NRL: variants seen among roughly 807,000 people sequenced by gnomAD.
NRL encodes neural retina leucine zipper.
In NRL, 16 loss-of-function variants were observed where a neutral mutation model predicts 12.5. The ratio of observed to expected loss-of-function variants is 1.28; its 90% CI spans 0.87 to 1.95. The LOEUF (loss-of-function observed/expected upper bound fraction) is 1.95, where lower values mean the gene tolerates loss of function less well. Among genes scored for constraint, NRL ranks in the 30% most tolerant of loss-of-function variants. The pLI is 0.00. For missense variants in NRL, 314 were observed against 325.8 expected (o/e 0.96, Z 0.28); for synonymous variants, 142 against 150.9 (o/e 0.94, Z 0.43).
In NRL at chr14:24,095,113, CTATT is replaced by C. The variant is rs1235143028; in HGVS notation, c.-27-12242_-27-12239del. 8.8e-6 allele frequency: 4 copies of C among 456,004 alleles called. No homozygotes were observed. The Admixed American group carries it at 9.4e-5, about 11-fold the overall frequency. The allele number at this position is 456,004 out of a possible 1,614,324, so 28.2% of individuals were successfully genotyped here. On this transcript the variant is annotated intron_variant, in intron 1 of 2. Coordinates refer to ENST00000561028, the MANE Select transcript of NRL (RefSeq NM_001354768.3). ...TTTGTCTGCCTGTCCTCTTAGTCTCCTATTTATTCTCTGAGGCCTCTCTTCTCAG... is the reference window on the plus strand; with the variant it reads ...TTTGTCTGCCTGTCCTCTTAGTCTCCTATTCTCTGAGGCCTCTCTTCTCAG...
At position 24,094,975 on chromosome 14, in the gene NRL, T is replaced by C; in HGVS notation, c.-27-12100A>G. Reference sequence around the variant, plus strand: ...GAAGTCCAGAGCAGCCCGAGGGACCTGGGCCCAGGGGAGGGAGGCAAGCAA... The same window carrying C: ...GAAGTCCAGAGCAGCCCGAGGGACCCGGGCCCAGGGGAGGGAGGCAAGCAA... On this transcript the variant is annotated intron_variant, in intron 1 of 2. Coordinates refer to ENST00000561028, the MANE Select transcript of NRL (RefSeq NM_001354768.3). This position sits in a 1 kb window ranked among gnomAD's most constrained non-coding sequence, Gnocchi z 4.1. The C allele has an allele frequency of 1.4e-6, 1 of 718,476 alleles. No individual in the cohort carries two copies. The highest frequency in any genetic ancestry group is 1.5e-5 in the South Asian group (1 of 64,918). The allele number at this position is 718,476 out of a possible 1,614,324, so 44.5% of individuals were successfully genotyped here.
At chr14:24,099,884 T>C (rs758581588) in intron 1 of NRL, 2 of 1,595,344 alleles carry the variant, frequency 1.3e-6, no homozygotes, top group Non-Finnish European at 1.7e-6. Flanking sequence ...CCTTTCCTCA[T>C]CAGATCTTGG....
At chr14:24,089,892 C>A (rs2036568365) in intron 1 of NRL, among the ~76,000 whole-genome samples, 1 of 152,114 alleles carries the variant, frequency 6.6e-6, no homozygotes, top group African/African-American at 2.4e-5. Context: ...AAGATGTAGA[C>A]ATGTTCACAA....
chr14:24,114,863 T>C lies in NRL; in HGVS notation c.-169A>G, dbSNP rs573881980. 29 of 985,938 alleles carry C rather than the reference T, an allele frequency of 2.9e-5. No individual in the cohort carries two copies. In the African/African-American group the frequency reaches 4.7e-4, roughly 16 times the overall value. The allele number at this position is 985,938 out of a possible 1,614,324, so 61.1% of individuals were successfully genotyped here. ...ACGGAGGAGCGGTTGGCCAACGCAG[T>C]GGCGGCAGTCGGTGTAAACAAGGCC... On this transcript the variant is annotated 5_prime_UTR_variant, in exon 1 of 3. Coordinates refer to ENST00000561028, the MANE Select transcript of NRL (RefSeq NM_001354768.3).
At position 24,094,627 on chromosome 14, in the gene NRL, C is replaced by G; in HGVS notation, c.-27-11752G>C. The stretch of plus-strand genomic sequence containing the variant: ...GGGAGGGCAGCCGGCCGGTGCTCCT[C>G]GTTTCCGCCTGCACCTCCCCTTCTC... On this transcript the variant is annotated intron_variant, in intron 1 of 2. Transcript: ENST00000561028. The surrounding 1 kb of genome is among the most constrained non-coding windows in gnomAD (Gnocchi z 4.1). 1.4e-6 allele frequency: 2 copies of G among 1,473,842 alleles called. No homozygotes were observed. The highest frequency in any genetic ancestry group is 1.8e-6 in the Non-Finnish European group (2 of 1,113,368). 91.3% of individuals were successfully genotyped at this position (1,473,842 alleles called of 1,614,324 possible).
In NRL at chr14:24,080,005, C is replaced by T. The variant is rs2036232227; in HGVS notation, c.*1231G>A. ...TTGGCTCTCCATAACAGATGTGCCACCCAGCTCCAGGTGGGGACTTCCCTT... is the reference window on the plus strand; with the variant it reads ...TTGGCTCTCCATAACAGATGTGCCATCCAGCTCCAGGTGGGGACTTCCCTT... On this transcript the variant is annotated 3_prime_UTR_variant, in exon 3 of 3. Transcript: ENST00000561028. 1 of 152,290 alleles carries T rather than the reference C, an allele frequency of 6.6e-6. No homozygotes were observed. The highest frequency in any genetic ancestry group is 1.5e-5 in the Non-Finnish European group (1 of 68,094). The allele number at this position is 152,290 out of a possible 1,614,324, so 9.4% of individuals were successfully genotyped here.
chr14:24,081,605 G>A lies in NRL; in HGVS notation c.382-37C>T, dbSNP rs777531331. 106 of 1,557,386 alleles carry A rather than the reference G, an allele frequency of 6.8e-5. No individual in the cohort carries two copies. Among genetic ancestry groups the A allele is most frequent in the Non-Finnish European group, 8.4e-5 (97 of 1,152,038 alleles). ...GAATGCAGAAACCGGGTCAGCGCCA[G>A]GTCGCACCCGGCTCTGCCCTGAGGG... On this transcript the variant is annotated intron_variant, in intron 2 of 2. Transcript: ENST00000561028. The surrounding 1 kb of genome is among the most constrained non-coding windows in gnomAD (Gnocchi z 4.4).
chr14:24,103,763 G>A, intron 1 of NRL: 1 of 1,614,210 alleles, frequency 6.2e-7, no homozygotes. Context: ...CACCCATTGG[G>A]CTGGTGCCAA....
chr14:24,094,641 C>T lies in NRL; in HGVS notation c.-27-11766G>A, dbSNP rs1164635414. 6.7e-7 allele frequency: 1 copy of T among 1,486,840 alleles called. No homozygotes were observed. Among genetic ancestry groups the T allele is most frequent in the Non-Finnish European group, 8.9e-7 (1 of 1,119,660 alleles). The allele number at this position is 1,486,840 out of a possible 1,614,324, so 92.1% of individuals were successfully genotyped here. ...CCGGTGCTCCTCGTTTCCGCCTGCA[C>T]CTCCCCTTCTCTGCCTCGCTCGCCT... On this transcript the variant is annotated intron_variant, in intron 1 of 2. Transcript: ENST00000561028. This position sits in a 1 kb window ranked among gnomAD's most constrained non-coding sequence, Gnocchi z 4.1.
At position 24,094,186 on chromosome 14, in the gene NRL, C is replaced by T; in HGVS notation, c.-27-11311G>A. 1.8e-6 allele frequency: 1 copy of T among 560,686 alleles called. No individual in the cohort carries two copies. The highest frequency in any genetic ancestry group is 2.2e-5 in the South Asian group (1 of 46,270). 34.7% of individuals were successfully genotyped at this position (560,686 alleles called of 1,614,324 possible). A position where few individuals can be genotyped will look rare whatever the true frequency, so the allele number is the denominator to read the frequency against. On this transcript the variant is annotated intron_variant, in intron 1 of 2. Transcript: ENST00000561028. This position sits in a 1 kb window ranked among gnomAD's most constrained non-coding sequence, Gnocchi z 4.1. ...GGCGGCGGCTGGGCTGACCTGGAGC[C>T]TGGAGCCCCGGGGCCGAGGGAGCTG...
In NRL at chr14:24,080,936, G is replaced by A. The variant is rs2036261352; in HGVS notation, c.*300C>T. The A allele has an allele frequency of 3.1e-6, 1 of 318,024 alleles. No homozygotes were observed. Among genetic ancestry groups the A allele is most frequent in the Non-Finnish European group, 5.7e-6 (1 of 174,696 alleles). The allele number at this position is 318,024 out of a possible 1,614,324, so 19.7% of individuals were successfully genotyped here. On this transcript the variant is annotated 3_prime_UTR_variant, in exon 3 of 3. Transcript: ENST00000561028. ...AACCCTCCTCCACCTCCCATTCACT[G>A]TGTCACCACACTTCCACCCCCCAGT...
In NRL at chr14:24,081,239, G is replaced by C. The variant is rs8009051; in HGVS notation, c.711C>G (p.Leu237=). The C allele has an allele frequency of 7.8e-4, 1,163 of 1,492,974 alleles. 9 individuals carry two copies. The African/African-American group carries it at 0.015, about 19-fold the overall frequency. The allele number at this position is 1,492,974 out of a possible 1,614,324, so 92.5% of individuals were successfully genotyped here. A position where few individuals can be genotyped will look rare whatever the true frequency, so the allele number is the denominator to read the frequency against. Residue 237 remains leucine (L), a synonymous_variant, in exon 3 of 3, where the codon CTC becomes CTG. Coordinates refer to ENST00000561028, the MANE Select transcript of NRL (RefSeq NM_001354768.3). This position sits in a 1 kb window ranked among gnomAD's most constrained non-coding sequence, Gnocchi z 4.4. ...ACCACAAGGTGCTCTGAACGGCTCA[G>C]AGGAAGAGGTGGGAGGGGTCCCCGG... ...PGSGDPSHLF[L]
chr14:24,111,268 C>T (rs151038820), intron 1 of NRL, among the ~76,000 whole-genome samples: 2 of 152,238 alleles, frequency 1.3e-5, no homozygotes, highest in Admixed American at 6.5e-5. Flanking sequence ...CGTAAGCCAC[C>T]GTGCCCAGCT....
chr14:24,111,148 T>C (rs1184617552), intron 1 of NRL, among the ~76,000 whole-genome samples: 1 of 151,550 alleles, frequency 6.6e-6, no homozygotes, highest in Non-Finnish European at 1.5e-5. Flanking sequence ...GGCCGGCTAT[T>C]TTTTTTTTCT....
At chr14:24,089,142 G>A (rs1220601046) in intron 1 of NRL, among the ~76,000 whole-genome samples, 1 of 151,666 alleles carries the variant, frequency 6.6e-6, no homozygotes, top group Non-Finnish European at 1.5e-5. Context: ...GTTTCATGTT[G>A]GCCAGGCTGG....
intron 1 of NRL, among the ~76,000 whole-genome samples, chr14:24,104,767 T>A (rs1200070988): frequency 6.6e-6 from 1 of 152,178 alleles, no homozygotes; most frequent in Non-Finnish European, 1.5e-5. Context: ...TACAACTCCA[T>A]TCTCCAGTGA....
chr14:24,094,418 TA>T lies in NRL; in HGVS notation c.-27-11544del. On this transcript the variant is annotated intron_variant, in intron 1 of 2. Coordinates refer to ENST00000561028, the MANE Select transcript of NRL (RefSeq NM_001354768.3). This position sits in a 1 kb window ranked among gnomAD's most constrained non-coding sequence, Gnocchi z 4.1. Reference sequence around the variant, plus strand: ...CTGCCCAGGTGCCATGGCCGCATTGTACCGCCCTGGCCTGCGGTGAGTGACC... The same window carrying T: ...CTGCCCAGGTGCCATGGCCGCATTGTCCGCCCTGGCCTGCGGTGAGTGACC... 2 of 1,561,970 alleles carry T rather than the reference TA, an allele frequency of 1.3e-6. No individual in the cohort carries two copies. The highest frequency in any genetic ancestry group is 1.7e-6 in the Non-Finnish European group (2 of 1,158,248).
At chr14:24,098,785 A>G (rs2037019198) in intron 1 of NRL, 6 of 951,092 alleles carry the variant, frequency 6.3e-6, no homozygotes, top group Non-Finnish European at 8.0e-6. Context: ...CTCTCTGGCA[A>G]CCTAATTCCC....
intron 1 of NRL, chr14:24,103,116 C>A (rs538683533): frequency 5.4e-6 from 8 of 1,493,086 alleles, no homozygotes; most frequent in Admixed American, 1.7e-5. Flanking sequence ...GAGTTAGGGT[C>A]CAAAGAAAAG....
Sources: gnomAD v4.1 joint callset for allele counts (sites outside exome capture counted in the v4.1 genomes callset) on GRCh38, gnomAD v4.1.1 for gene constraint, Gnocchi (gnomAD v3.1) non-coding constraint, MANE v1.5 for transcripts, NCBI Gene and HGNC (gene_info 2026-07-23, HGNC 2026-07-21) for gene names.